The following NXPE4 variants were observed in gnomAD, a reference collection of about 807,000 sequenced individuals.
The protein encoded by NXPE4 is NXPE family member 4.
Under a neutral mutation model 33.3 loss-of-function variants are expected in NXPE4, and 42 were observed. The observed-to-expected ratio is 1.26, with a 90% CI of 0.98 to 1.63. The LOEUF is 1.63. Among genes scored for constraint, NXPE4 ranks in the 40% most tolerant of loss-of-function variants. The pLI, the probability that NXPE4 is intolerant of heterozygous loss-of-function variation, is 0.00. For missense variants in NXPE4, 709 were observed against 647.6 expected (o/e 1.09, Z -1.03); for synonymous variants, 253 against 234.9 (o/e 1.08, Z -0.71).
rs1164965600 is a variant in NXPE4, at chr11:114,571,201, T to C, written c.1372A>G (p.Ile458Val). 2 of 1,614,064 alleles carry C rather than the reference T, an allele frequency of 1.2e-6. No individual in the cohort carries two copies. The highest frequency in any genetic ancestry group is 1.3e-5 in the African/African-American group (1 of 75,032). Residue 458 changes from isoleucine (I) to valine (V), a missense_variant, in exon 6 of 6, where the codon ATT becomes GTT. Ile to Val is a conservative substitution (Grantham distance 29, BLOSUM62 3). Transcript: ENST00000375478. Reference protein sequence around the residue: ...IRRALNVHKAIQHLLLRSPDT... With the variant: ...IRRALNVHKAVQHLLLRSPDT... ...GGGCTTCTCAGAAGAAGATGCTGAA[T>C]GGCTTTGTGGACATTGAGGGCCCTT...
the NXPE4 span, among the ~76,000 whole-genome samples, chr11:114,602,469 T>A: frequency 1.5e-5 from 2 of 135,526 alleles, no homozygotes; most frequent in African/African-American, 5.3e-5. Flanking sequence ...AATATATAAA[T>A]TATAGATTAT....
In NXPE4 at chr11:114,582,739, A is replaced by C; in HGVS notation, c.379T>G (p.Leu127Val). The change falls in exon 3 of 6, where the codon TTG becomes GTG. Residue 127 changes from leucine (L) to valine (V), a missense_variant. Coordinates refer to ENST00000375478, the MANE Select transcript of NXPE4 (RefSeq NM_001077639.2). The part of the protein sequence containing the change: ...LHILLEVRDH[L>V]GRRKQYGGDF... Reference sequence around the variant, plus strand: ...CCGCCATATTGCTTCCTGCGTCCCAAGTGGTCCCTCACCTCCAGCAGGATG... The same window carrying C: ...CCGCCATATTGCTTCCTGCGTCCCACGTGGTCCCTCACCTCCAGCAGGATG... 1 of 1,614,050 alleles carries C rather than the reference A, an allele frequency of 6.2e-7. No individual in the cohort carries two copies. Among genetic ancestry groups the C allele is most frequent in the Non-Finnish European group, 8.5e-7 (1 of 1,180,000 alleles).
At chr11:114,612,499 A>C in the NXPE4 span, among the ~76,000 whole-genome samples, 1 of 151,046 alleles carries the variant, frequency 6.6e-6, no homozygotes, top group Non-Finnish European at 1.5e-5. Context: ...CCTGCTGGAT[A>C]ATAAGTGTTT....
the NXPE4 span, among the ~76,000 whole-genome samples, chr11:114,678,139 C>T: frequency 1.5e-4 from 23 of 152,072 alleles, no homozygotes; most frequent in Non-Finnish European, 2.9e-4. Context: ...AATTCTCAGG[C>T]CTTCAGGAAC....
chr11:114,670,382 TA>T, the NXPE4 span, among the ~76,000 whole-genome samples: 1 of 151,908 alleles, frequency 6.6e-6, no homozygotes, highest in Non-Finnish European at 1.5e-5. Context: ...ACTACTAAAA[TA>T]GCCCAGCCCA....
chr11:114,607,055 G>A, the NXPE4 span, among the ~76,000 whole-genome samples: 9 of 151,760 alleles, frequency 5.9e-5, no homozygotes, highest in Non-Finnish European at 7.4e-5. Flanking sequence ...GTATTGCCTC[G>A]TGGGTAACCA....
chr11:114,658,245 A>G, the NXPE4 span, among the ~76,000 whole-genome samples: 96 of 152,346 alleles, frequency 6.3e-4, no homozygotes, highest in African/African-American at 2.1e-3. Flanking sequence ...TCACTTTTGA[A>G]AAGGGAGCAG....
At chr11:114,609,363 C>T in the NXPE4 span, among the ~76,000 whole-genome samples, 3 of 151,420 alleles carry the variant, frequency 2.0e-5, no homozygotes, top group South Asian at 6.2e-4. Context: ...CATTGGTAAC[C>T]ACCGTTACCC....
chr11:114,648,211 C>T, the NXPE4 span, among the ~76,000 whole-genome samples: 16 of 151,874 alleles, frequency 1.1e-4, no homozygotes, highest in Admixed American at 3.3e-4. Flanking sequence ...GGAGGGGCCC[C>T]GAGATGACCT....
chr11:114,594,878 T>C, intron 1 of NXPE4, 109 bp from the exon 2 acceptor site: 1 of 610,298 alleles, frequency 1.6e-6, no homozygotes, highest in Non-Finnish European at 2.9e-6. Flanking sequence ...CTTTTTAGCC[T>C]CAGATAAATA....
At chr11:114,654,837 G>A in the NXPE4 span, among the ~76,000 whole-genome samples, 1 of 152,162 alleles carries the variant, frequency 6.6e-6, no homozygotes, top group East Asian at 1.9e-4. Flanking sequence ...TATATACCCA[G>A]TAATGGGATT....
chr11:114,653,807 C>T, the NXPE4 span, among the ~76,000 whole-genome samples: 8 of 151,930 alleles, frequency 5.3e-5, no homozygotes, highest in East Asian at 3.9e-4. Context: ...GGATTACAGG[C>T]GTGAGCCACC....
the NXPE4 span, among the ~76,000 whole-genome samples, chr11:114,677,782 A>G: frequency 2.0e-5 from 3 of 152,082 alleles, no homozygotes; most frequent in African/African-American, 7.2e-5. Context: ...ATCTATCTAT[A>G]TCTGTATATA....
the NXPE4 span, among the ~76,000 whole-genome samples, chr11:114,650,587 T>C: frequency 3.3e-5 from 5 of 152,008 alleles, no homozygotes; most frequent in Admixed American, 6.6e-5. Flanking sequence ...AAATCTACAC[T>C]GCAAAGGGAG....
the NXPE4 span, among the ~76,000 whole-genome samples, chr11:114,619,916 C>A: frequency 6.6e-6 from 1 of 151,944 alleles, no homozygotes; most frequent in South Asian, 2.1e-4. Flanking sequence ...ATAAGTGTTA[C>A]CTCATGGGTA....
Position 114,581,787 on chromosome 11 carries a change from C to T in NXPE4, c.831-1G>A, listed in dbSNP as rs759827583. The T allele has an allele frequency of 4.4e-6, 7 of 1,602,682 alleles. No homozygotes were observed. The highest frequency in any genetic ancestry group is 6.0e-6 in the Non-Finnish European group (7 of 1,173,548). ...CATAATCTCTACACCCACATTTGAC[C>T]TTAAAGACACAAATACAGAAATTAA... On this transcript the variant is annotated splice_acceptor_variant, in intron 3 of 5. Coordinates refer to ENST00000375478, the MANE Select transcript of NXPE4 (RefSeq NM_001077639.2). LOFTEE classifies it high-confidence loss of function.
At chr11:114,599,204 AG>A (rs1323925980), upstream of NXPE4, among the ~76,000 whole-genome samples, 1 of 152,152 alleles carries the variant, frequency 6.6e-6, no homozygotes, top group African/African-American at 2.4e-5. Context: ...TCCCTTGGAC[AG>A]GGGTACAGTG....
chr11:114,591,665 C>G (rs1949457486), intron 2 of NXPE4, among the ~76,000 whole-genome samples: 1 of 152,148 alleles, frequency 6.6e-6, no homozygotes. Context: ...GCAAGCTGTA[C>G]TTTCCAGCCT....
upstream of NXPE4, among the ~76,000 whole-genome samples, chr11:114,598,883 T>C (rs113788184): frequency 2.6e-5 from 4 of 152,030 alleles, no homozygotes; most frequent in African/African-American, 9.6e-5. Context: ...CTGTGGAAGC[T>C]ACCAAGGCTT....
Sources: allele counts gnomAD v4.1 joint callset (sites outside exome capture counted in the v4.1 genomes callset), GRCh38; gene constraint gnomAD v4.1.1; transcripts MANE v1.5; gene names NCBI Gene and HGNC (gene_info 2026-07-23, HGNC 2026-07-21).